The following DLC1 variants were observed in gnomAD, a reference collection of about 807,000 sequenced individuals.
DLC1 encodes DLC1 Rho GTPase activating protein.
Under a neutral mutation model 140.3 loss-of-function variants are expected in DLC1, and 54 were observed. The ratio of observed to expected loss-of-function variants is 0.38; its 90% CI spans 0.31 to 0.48. The LOEUF (loss-of-function observed/expected upper bound fraction) is 0.48, where lower values mean the gene tolerates loss of function less well. Among genes scored for constraint, DLC1 ranks in the 20% least tolerant of loss-of-function variants. The pLI, the probability that DLC1 is intolerant of heterozygous loss-of-function variation, is 0.96. For synonymous variants in DLC1, 986 were observed against 728.1 expected (o/e 1.35, Z -5.70); for missense variants, 2,536 against 1,907.0 (o/e 1.33, Z -6.14).
intron 1 of DLC1, among the ~76,000 whole-genome samples, chr8:13,551,971 ATGTG>A (rs776078266): frequency 6.9e-6 from 1 of 144,494 alleles, no homozygotes; most frequent in African/African-American, 2.5e-5. Flanking sequence ...GTATATGTAT[ATGTG>A]TGTGTGTGTA....
chr8:13,392,197 T>C (rs1054295937), intron 4 of DLC1, among the ~76,000 whole-genome samples: 8 of 152,192 alleles, frequency 5.3e-5, no homozygotes, highest in African/African-American at 1.9e-4. Context: ...AGTATTATCA[T>C]AGCTTGTACA....
intron 4 of DLC1, among the ~76,000 whole-genome samples, chr8:13,388,782 A>G (rs2117194178): frequency 6.6e-6 from 1 of 152,216 alleles, no homozygotes; most frequent in South Asian, 2.1e-4. Flanking sequence ...ATATGTAAAC[A>G]TATCTATAAA....
At chr8:13,288,462 G>A (rs1326756601) in intron 5 of DLC1, among the ~76,000 whole-genome samples, 1 of 152,130 alleles carries the variant, frequency 6.6e-6, no homozygotes, top group African/African-American at 2.4e-5. Flanking sequence ...TTGCATCACT[G>A]TGCCTCATGC....
At chr8:13,510,002 T>C (rs1802281243) in intron 1 of DLC1, among the ~76,000 whole-genome samples, 1 of 152,064 alleles carries the variant, frequency 6.6e-6, no homozygotes, top group Non-Finnish European at 1.5e-5. Context: ...GACTTGATCA[T>C]GATGATGGTG....
chr8:13,213,011 C>T (rs191843809), intron 5 of DLC1, among the ~76,000 whole-genome samples: 11 of 152,140 alleles, frequency 7.2e-5, no homozygotes, highest in Admixed American at 2.6e-4. Flanking sequence ...CTTTTGGAAT[C>T]CTCACATTTC....
At chr8:13,183,023 G>A (rs28785221) in intron 5 of DLC1, among the ~76,000 whole-genome samples, 1 of 152,050 alleles carries the variant, frequency 6.6e-6, no homozygotes, top group African/African-American at 2.4e-5. Context: ...TCTCCTTGAA[G>A]AGGTGCTTCG....
chr8:13,420,704 C>T (rs1286701050), intron 2 of DLC1, among the ~76,000 whole-genome samples: 1 of 152,114 alleles, frequency 6.6e-6, no homozygotes, highest in Non-Finnish European at 1.5e-5. Flanking sequence ...TGGCTTCCAG[C>T]TTCATCCATG....
At chr8:13,287,882 CT>C (rs577635071) in intron 5 of DLC1, among the ~76,000 whole-genome samples, 1,959 of 143,950 alleles carry the variant, frequency 0.014, 20 homozygotes, top group South Asian at 0.047. Flanking sequence ...TTTTATCTAG[CT>C]TTTTTTTTTT....
intron 5 of DLC1, among the ~76,000 whole-genome samples, chr8:13,128,774 G>T (rs562035327): frequency 6.6e-6 from 1 of 151,598 alleles, no homozygotes; most frequent in African/African-American, 2.4e-5. Context: ...GGCGGAGCTT[G>T]CAGTGAGCCA....
intron 2 of DLC1, among the ~76,000 whole-genome samples, chr8:13,420,754 C>G (rs1453741202): frequency 6.6e-6 from 1 of 152,096 alleles, no homozygotes; most frequent in African/African-American, 2.4e-5. Flanking sequence ...TTTATGACTG[C>G]ATAGTATTCT....
intron 5 of DLC1, among the ~76,000 whole-genome samples, chr8:13,171,213 G>A (rs1419583865): frequency 6.6e-6 from 1 of 152,136 alleles, no homozygotes; most frequent in African/African-American, 2.4e-5. Flanking sequence ...AACGTGTCAC[G>A]GGTTTTGATT....
intron 2 of DLC1, among the ~76,000 whole-genome samples, chr8:13,496,032 G>A (rs112071290): frequency 0.034 from 5,229 of 152,236 alleles, 293 homozygotes; most frequent in African/African-American, 0.12. Flanking sequence ...ACTTTTCCAA[G>A]TTCTTATCTT....
intron 5 of DLC1, among the ~76,000 whole-genome samples, chr8:13,255,339 A>G (rs1274804121): frequency 1.3e-5 from 2 of 152,120 alleles, no homozygotes; most frequent in Non-Finnish European, 2.9e-5. Context: ...CCTCATTGTA[A>G]TTTGTGCAAA....
At chr8:13,270,992 G>A (rs909623653) in intron 5 of DLC1, among the ~76,000 whole-genome samples, 1 of 152,116 alleles carries the variant, frequency 6.6e-6, no homozygotes, top group Non-Finnish European at 1.5e-5. Flanking sequence ...ATATTACCCA[G>A]TGCAAGAACC....
intron 1 of DLC1, among the ~76,000 whole-genome samples, chr8:13,584,928 A>T (rs529169347): frequency 8.5e-5 from 13 of 152,066 alleles, no homozygotes; most frequent in Non-Finnish European, 1.9e-4. Context: ...TAAATCTCTT[A>T]CACCTCTAAT....
intron 2 of DLC1, among the ~76,000 whole-genome samples, chr8:13,437,604 G>T (rs982745918): frequency 6.6e-6 from 1 of 152,030 alleles, no homozygotes; most frequent in African/African-American, 2.4e-5. Flanking sequence ...TATGAAGGTC[G>T]GTCCACATGC....
At chr8:13,231,440 C>T (rs1239508387) in intron 5 of DLC1, among the ~76,000 whole-genome samples, 1 of 152,182 alleles carries the variant, frequency 6.6e-6, no homozygotes, top group Non-Finnish European at 1.5e-5. Context: ...GAGATGATTT[C>T]TAGAGTTTCT....
intron 5 of DLC1, among the ~76,000 whole-genome samples, chr8:13,219,551 T>A (rs975759847): frequency 2.0e-5 from 3 of 151,152 alleles, no homozygotes; most frequent in African/African-American, 7.3e-5. Context: ...TATTTATACA[T>A]CTAAATTCTG....
At chr8:13,463,261 A>G (rs1328471860) in intron 2 of DLC1, among the ~76,000 whole-genome samples, 1 of 152,144 alleles carries the variant, frequency 6.6e-6, no homozygotes, top group African/African-American at 2.4e-5. Flanking sequence ...TGAAATTTGT[A>G]TCTCGATCAT....
Sources: gnomAD v4.1 joint callset for allele counts (sites outside exome capture counted in the v4.1 genomes callset) on GRCh38, gnomAD v4.1.1 for gene constraint, MANE v1.5 for transcripts, NCBI Gene and HGNC (gene_info 2026-07-23, HGNC 2026-07-21) for gene names.